The following LMTK2 variants were observed in gnomAD, a reference collection of about 807,000 sequenced individuals.
LMTK2 encodes lemur tail kinase 2, also known as serine/threonine-protein kinase LMTK2.
LMTK2 carries 37 observed loss-of-function variants against 127.5 expected under a neutral mutation model. The ratio of observed to expected loss-of-function variants is 0.29; its 90% CI spans 0.22 to 0.38. The LOEUF (loss-of-function observed/expected upper bound fraction) is 0.38, where lower values mean the gene tolerates loss of function less well. LMTK2 is among the 10% of genes least tolerant of loss of function. The pLI is 1.00. For synonymous variants in LMTK2, 819 were observed against 810.1 expected (o/e 1.01, Z -0.19); for missense variants, 1,694 against 1,920.3 (o/e 0.88, Z 2.20).
rs370745687 is a variant in LMTK2, at chr7:98,179,923, C to T, written c.792-5128C>T. ...CTGCATCATCGTTGAGAGTTATTGA[C>T]GGTGAAAACACAAACATATTACCGA... On this transcript the variant is annotated intron_variant, in intron 7 of 13. Transcript: ENST00000297293. Among the ~76,000 whole-genome samples, 10 of 152,290 alleles carry T rather than the reference C, an allele frequency of 6.6e-5. 1 individual carries two copies. The South Asian group carries it at 1.0e-3, about 16-fold the overall frequency.
intron 4 of LMTK2, among the ~76,000 whole-genome samples, chr7:98,152,480 G>T (rs530309598): frequency 1.3e-5 from 2 of 152,320 alleles, no homozygotes; most frequent in South Asian, 4.1e-4. Context: ...AACCTGTTAC[G>T]TAGCAGCCAT....
intron 1 of LMTK2, among the ~76,000 whole-genome samples, chr7:98,108,493 T>G (rs1192803095): frequency 6.6e-6 from 1 of 152,238 alleles, no homozygotes; most frequent in African/African-American, 2.4e-5. Context: ...GAACGTTAAA[T>G]GTCCTCATTG....
chr7:98,121,674 A>G (rs1796363368), intron 1 of LMTK2, among the ~76,000 whole-genome samples: 2 of 151,442 alleles, frequency 1.3e-5, no homozygotes, highest in Admixed American at 1.3e-4. Flanking sequence ...GCTAGCTTCC[A>G]TAATTAGGCT....
At chr7:98,173,552 A>G (rs963743712) in intron 7 of LMTK2, among the ~76,000 whole-genome samples, 9 of 152,232 alleles carry the variant, frequency 5.9e-5, no homozygotes, top group African/African-American at 2.2e-4. Context: ...TTAAAAGAGC[A>G]TAATATTGGA....
intron 7 of LMTK2, among the ~76,000 whole-genome samples, chr7:98,177,029 G>A (rs1389829040): frequency 6.6e-6 from 1 of 151,864 alleles, no homozygotes; most frequent in Non-Finnish European, 1.5e-5. Context: ...AAGCTACACC[G>A]TCTGCCTCCA....
At chr7:98,107,790 G>T (rs965998794) in intron 1 of LMTK2, among the ~76,000 whole-genome samples, 15 of 152,096 alleles carry the variant, frequency 9.9e-5, no homozygotes, top group African/African-American at 3.6e-4. Flanking sequence ...ATGTATCTCC[G>T]GGGATGAGAA....
chr7:98,127,299 A>G (rs1796457422), intron 1 of LMTK2, among the ~76,000 whole-genome samples: 1 of 152,190 alleles, frequency 6.6e-6, no homozygotes. Flanking sequence ...AGAGGAAGAC[A>G]GGCTTAGTGG....
intron 1 of LMTK2, among the ~76,000 whole-genome samples, chr7:98,122,722 GTGTGTATA>G (rs59630741): frequency 0.023 from 1,960 of 86,726 alleles, 68 homozygotes; most frequent in African/African-American, 0.089. Context: ...GTGTGTGTGT[GTGTGTATA>G]TATATAACTG....
chr7:98,134,399 A>G (rs952072371), intron 1 of LMTK2, among the ~76,000 whole-genome samples: 20 of 152,192 alleles, frequency 1.3e-4, no homozygotes, highest in African/African-American at 4.8e-4. Context: ...TCTCCCTTAC[A>G]ATCCAAATGC....
At chr7:98,140,125 T>TC (rs1373581256) in intron 2 of LMTK2, among the ~76,000 whole-genome samples, 5 of 2,278 alleles carry the variant, frequency 2.2e-3, no homozygotes, top group African/African-American at 3.0e-3. Context: ...TTTCTTTCTT[T>TC]CTTTCTTTCT....
At chr7:98,188,895 CT>C (rs577304418) in intron 9 of LMTK2, among the ~76,000 whole-genome samples, 1 of 152,150 alleles carries the variant, frequency 6.6e-6, no homozygotes, top group African/African-American at 2.4e-5. Flanking sequence ...CTTAAATAGC[CT>C]TTCTCTGCCT....
chr7:98,160,338 C>T (rs536032015), intron 6 of LMTK2, among the ~76,000 whole-genome samples: 2 of 152,250 alleles, frequency 1.3e-5, no homozygotes, highest in East Asian at 1.9e-4. Flanking sequence ...AAGTGTGATT[C>T]GAGTATTTCT....
intron 6 of LMTK2, among the ~76,000 whole-genome samples, chr7:98,164,211 G>A (rs1479777819): frequency 6.6e-6 from 1 of 152,074 alleles, no homozygotes; most frequent in East Asian, 1.9e-4. Flanking sequence ...AGAGATGACT[G>A]TAGGGTGTTT....
chr7:98,135,026 C>T (rs930902127), intron 1 of LMTK2, among the ~76,000 whole-genome samples: 1 of 152,186 alleles, frequency 6.6e-6, no homozygotes, highest in African/African-American at 2.4e-5. Context: ...CAGACTGAGC[C>T]CGCATGTAAC....
chr7:98,180,497 T>C (rs967728754), intron 7 of LMTK2, among the ~76,000 whole-genome samples: 1 of 152,236 alleles, frequency 6.6e-6, no homozygotes, highest in Non-Finnish European at 1.5e-5. Context: ...GAAAGTTCCT[T>C]TAGAAAAAGT....
chr7:98,205,572 A>G lies in LMTK2; in HGVS notation c.*80A>G. The G allele has an allele frequency of 2.1e-6, 3 of 1,429,868 alleles. No homozygotes were observed. Among genetic ancestry groups the G allele is most frequent in the South Asian group, 2.3e-5 (2 of 85,926 alleles). 88.6% of individuals were successfully genotyped at this position (1,429,868 alleles called of 1,614,324 possible). On this transcript the variant is annotated 3_prime_UTR_variant, in exon 14 of 14. Coordinates refer to ENST00000297293, the MANE Select transcript of LMTK2 (RefSeq NM_014916.4). Reference sequence around the variant, plus strand: ...CTGCGCCCTCAGCCCGAGCAGCGACATCCACTCGCCATTTGCTGACATGAG... The same window carrying G: ...CTGCGCCCTCAGCCCGAGCAGCGACGTCCACTCGCCATTTGCTGACATGAG...
intron 1 of LMTK2, among the ~76,000 whole-genome samples, chr7:98,112,390 G>A (rs963330944): frequency 6.6e-6 from 1 of 152,192 alleles, no homozygotes; most frequent in Non-Finnish European, 1.5e-5. Flanking sequence ...AAAACGGAGA[G>A]AATAGTTACA....
In LMTK2 at chr7:98,204,095, C is replaced by G; in HGVS notation, c.4392C>G (p.His1464Gln). 6.2e-7 allele frequency: 1 copy of G among 1,613,548 alleles called. No individual in the cohort carries two copies. Among genetic ancestry groups the G allele is most frequent in the Middle Eastern group, 1.6e-4 (1 of 6,062 alleles). ...GGAGCACGGAGCAGAGCTGGCCGCA[C>G]TCGGCGCCTTACTCCCGGTTCTCCA... ...PARSTEQSWP[H>Q]SAPYSRFSIS... Residue 1464 changes from histidine to glutamine, a missense_variant, in exon 13 of 14, where the codon CAC (histidine) becomes CAG (glutamine). Coordinates refer to ENST00000297293, the MANE Select transcript of LMTK2 (RefSeq NM_014916.4).
rs1797604533 is a variant in LMTK2, at chr7:98,194,961, A to G, written c.4107+389A>G. Among the ~76,000 whole-genome samples the G allele has an allele frequency of 1.3e-5, 2 of 152,216 alleles. No homozygotes were observed. The highest frequency in any genetic ancestry group is 4.8e-5 in the African/African-American group (2 of 41,460). On this transcript the variant is annotated intron_variant, in intron 11 of 13. Coordinates refer to ENST00000297293, the MANE Select transcript of LMTK2 (RefSeq NM_014916.4). The surrounding 1 kb of genome is among the most constrained non-coding windows in gnomAD (Gnocchi z 5.4). ...CTGCAGCCTTGAACTCCTGGGCTCA[A>G]GTGATCCTCCCACCTTCCATAATAG...
Sources: gnomAD v4.1 joint callset for allele counts (sites outside exome capture counted in the v4.1 genomes callset) on GRCh38, gnomAD v4.1.1 for gene constraint, Gnocchi (gnomAD v3.1) non-coding constraint, MANE v1.5 for transcripts, NCBI Gene and HGNC (gene_info 2026-07-23, HGNC 2026-07-21) for gene names.